Variants in GRIN2B observed in about 807,000 individuals in gnomAD.
The protein encoded by GRIN2B is glutamate ionotropic receptor NMDA type subunit 2B.
Under a neutral mutation model 114.5 loss-of-function variants are expected in GRIN2B, and 5 were observed. The ratio of observed to expected loss-of-function variants is 0.04; its 90% confidence interval spans 0.02 to 0.09. The LOEUF (loss-of-function observed/expected upper bound fraction) is 0.09. GRIN2B is among the 10% of genes least tolerant of loss of function. GRIN2B has a pLI of 1.00. For missense variants in GRIN2B, 1,108 were observed against 1,943.5 expected (o/e 0.57, Z 8.08); for synonymous variants, 787 against 745.1 (o/e 1.06, Z -0.92).
At chr12:13,897,670 G>T (rs1387123165) in intron 2 of GRIN2B, among the ~76,000 whole-genome samples, 2 of 152,032 alleles carry the variant, frequency 1.3e-5, no homozygotes, top group African/African-American at 4.8e-5. Context: ...TAAGAATGTT[G>T]TATTAGGTAA....
chr12:13,628,596 A>C (rs1322692272), intron 5 of GRIN2B, among the ~76,000 whole-genome samples: 1 of 152,258 alleles, frequency 6.6e-6, no homozygotes, highest in Non-Finnish European at 1.5e-5. Context: ...TCAAACAAGC[A>C]AAATTGGTTC....
chr12:13,742,992 G>A (rs1863312038), intron 4 of GRIN2B, among the ~76,000 whole-genome samples: 1 of 152,192 alleles, frequency 6.6e-6, no homozygotes, highest in Non-Finnish European at 1.5e-5. Context: ...CCCAGTGGAT[G>A]AAAGAGTGGA....
intron 3 of GRIN2B, among the ~76,000 whole-genome samples, chr12:13,854,004 T>G (rs1188577056): frequency 6.6e-6 from 1 of 152,152 alleles, no homozygotes; most frequent in Admixed American, 6.6e-5. Context: ...ACTACTACCA[T>G]TACTTACAGT....
At position 13,774,007 on chromosome 12, in the gene GRIN2B, T is replaced by C. The variant is rs572983886; in HGVS notation, c.412-20092A>G. ...ATAACAGTGTCTAGTACTGGACCACTCAGACTGTCCAGTTCTCTCTTCATC... is the reference window on the plus strand; with the variant it reads ...ATAACAGTGTCTAGTACTGGACCACCCAGACTGTCCAGTTCTCTCTTCATC... On this transcript the variant is annotated intron_variant, in intron 3 of 13. Transcript: ENST00000609686. 1.4e-4 allele frequency among the ~76,000 whole-genome samples: 22 copies of C among 152,288 alleles called. No individual in the cohort carries two copies. The South Asian group carries it at 4.4e-3, about 30-fold the overall frequency.
At chr12:13,572,559 A>T (rs1296222749) in intron 10 of GRIN2B, among the ~76,000 whole-genome samples, 1 of 152,164 alleles carries the variant, frequency 6.6e-6, no homozygotes, top group Non-Finnish European at 1.5e-5. Flanking sequence ...AATCAAAGAC[A>T]ATTTTAATTA....
intron 2 of GRIN2B, among the ~76,000 whole-genome samples, chr12:13,952,616 G>C (rs868599953): frequency 1.3e-5 from 2 of 151,874 alleles, no homozygotes; most frequent in African/African-American, 4.8e-5. Flanking sequence ...TTCATAGATT[G>C]TTGAAAACTA....
intron 2 of GRIN2B, among the ~76,000 whole-genome samples, chr12:13,965,804 T>G (rs1867781599): frequency 6.6e-6 from 1 of 152,230 alleles, no homozygotes; most frequent in Non-Finnish European, 1.5e-5. Flanking sequence ...AAAATGGTAA[T>G]AATTGCATCG....
chr12:13,719,411 G>A (rs576568108), intron 4 of GRIN2B, among the ~76,000 whole-genome samples: 22 of 102,662 alleles, frequency 2.1e-4, no homozygotes, highest in South Asian at 1.7e-3. Flanking sequence ...CTCTAAAGTA[G>A]GATCACTTAA....
At chr12:13,964,000 C>T (rs1661889058) in intron 2 of GRIN2B, among the ~76,000 whole-genome samples, 1 of 152,144 alleles carries the variant, frequency 6.6e-6, no homozygotes, top group South Asian at 2.1e-4. Flanking sequence ...AATCTTCACC[C>T]TGGGGTCCTG....
intron 5 of GRIN2B, among the ~76,000 whole-genome samples, chr12:13,665,196 C>G (rs1012570353): frequency 1.4e-4 from 21 of 149,884 alleles, no homozygotes; most frequent in African/African-American, 5.2e-4. Flanking sequence ...TGTGTGATAA[C>G]AGGAATTATA....
intron 10 of GRIN2B, 107 bp downstream of exon 10, chr12:13,608,496 A>AATTTAGAAG: frequency 1.3e-6 from 1 of 777,610 alleles, no homozygotes; most frequent in African/African-American, 1.7e-5. Context: ...CATAAGAAAG[A>AATTTAGAAG]ACGGTCAATT....
At chr12:13,648,739 GA>G (rs1382540666) in intron 5 of GRIN2B, among the ~76,000 whole-genome samples, 1 of 151,878 alleles carries the variant, frequency 6.6e-6, no homozygotes, top group African/African-American at 2.4e-5. Flanking sequence ...GAGGACTTTA[GA>G]ATAAGTATAA....
intron 4 of GRIN2B, among the ~76,000 whole-genome samples, chr12:13,681,248 C>T (rs1350835441): frequency 6.6e-6 from 1 of 152,122 alleles, no homozygotes; most frequent in Non-Finnish European, 1.5e-5. Flanking sequence ...GAAGAGATAG[C>T]ATCTCATTTC....
At chr12:13,861,840 G>T (rs1304459275) in intron 3 of GRIN2B, among the ~76,000 whole-genome samples, 1 of 152,116 alleles carries the variant, frequency 6.6e-6, no homozygotes, top group Non-Finnish European at 1.5e-5. Context: ...CCTGCATCAT[G>T]ATACACTCTC....
intron 5 of GRIN2B, among the ~76,000 whole-genome samples, chr12:13,650,933 T>A (rs527955957): frequency 6.6e-5 from 10 of 152,204 alleles, no homozygotes; most frequent in South Asian, 4.1e-4. Flanking sequence ...CAAACTTTTT[T>A]AAGTAAATAA....
chr12:13,865,742 A>G, intron 3 of GRIN2B, 56 bp downstream of exon 3: 3 of 1,391,414 alleles, frequency 2.2e-6, no homozygotes, highest in Middle Eastern at 4.5e-4. Context: ...AAACAAATGC[A>G]TGGTTTAGTC....
At chr12:13,966,093 A>G (rs1040591883) in intron 2 of GRIN2B, among the ~76,000 whole-genome samples, 17 of 152,186 alleles carry the variant, frequency 1.1e-4, no homozygotes, top group Non-Finnish European at 1.6e-4. Context: ...TCTTGACGGC[A>G]TAATTTTGGG....
chr12:13,727,159 T>C (rs1863004238), intron 4 of GRIN2B, among the ~76,000 whole-genome samples: 1 of 152,180 alleles, frequency 6.6e-6, no homozygotes, highest in African/African-American at 2.4e-5. Flanking sequence ...CTAGGGATTG[T>C]CTAACCCATT....
chr12:13,671,974 G>A (rs1330261616), intron 5 of GRIN2B, among the ~76,000 whole-genome samples: 1 of 152,156 alleles, frequency 6.6e-6, no homozygotes, highest in African/African-American at 2.4e-5. Flanking sequence ...TAGACAGTGT[G>A]ACGGGGTGAC....
Sources: gnomAD v4.1 joint callset for allele counts (sites outside exome capture counted in the v4.1 genomes callset) on GRCh38, gnomAD v4.1.1 for gene constraint, MANE v1.5 for transcripts, NCBI Gene and HGNC (gene_info 2026-07-23, HGNC 2026-07-21) for gene names.